USP3: variants seen among roughly 807,000 people sequenced by gnomAD.
USP3 encodes the protein ubiquitin specific peptidase 3.
Under a neutral mutation model 72.3 loss-of-function variants are expected in USP3, and 20 were observed. The observed-to-expected ratio is 0.28, with a 90% confidence interval of 0.19 to 0.40. The LOEUF (loss-of-function observed/expected upper bound fraction) is 0.40, where lower values mean the gene tolerates loss of function less well. USP3 is among the 10% of genes least tolerant of loss of function. USP3 has a pLI of 1.00. For missense variants in USP3, 479 were observed against 633.9 expected (o/e 0.76, Z 2.62); for synonymous variants, 222 against 225.3 (o/e 0.99, Z 0.13).
chr15:63,589,285 C>G (rs372584502), intron 14 of USP3, among the ~76,000 whole-genome samples: 92 of 152,236 alleles, frequency 6.0e-4, no homozygotes, highest in South Asian at 5.2e-3. Context: ...GTTGCTTATT[C>G]GTTTACCAAC....
chr15:63,583,969 T>A (rs144986597), intron 11 of USP3, among the ~76,000 whole-genome samples: 2 of 152,306 alleles, frequency 1.3e-5, no homozygotes, highest in East Asian at 3.9e-4. Flanking sequence ...CCAGTTCTTT[T>A]GGGTATATAC....
At chr15:63,565,225 C>T (rs183792856) in intron 8 of USP3, among the ~76,000 whole-genome samples, 100 of 152,174 alleles carry the variant, frequency 6.6e-4, no homozygotes, top group Middle Eastern at 3.4e-3. Flanking sequence ...CATACACACA[C>T]CCCCAAAACA....
chr15:63,511,217 C>T (rs2065775432), intron 1 of USP3, among the ~76,000 whole-genome samples: 2 of 124,220 alleles, frequency 1.6e-5, no homozygotes, highest in African/African-American at 3.0e-5. Flanking sequence ...TTAAAGATAG[C>T]CCAAAGCTTA....
intron 11 of USP3, among the ~76,000 whole-genome samples, chr15:63,582,684 G>T (rs931155054): frequency 1.3e-5 from 2 of 152,136 alleles, no homozygotes; most frequent in Non-Finnish European, 2.9e-5. Context: ...ACTCAAAAAG[G>T]CAGGGAGGAA....
At chr15:63,505,562 G>T (rs1004561299) in intron 1 of USP3, among the ~76,000 whole-genome samples, 1 of 152,250 alleles carries the variant, frequency 6.6e-6, no homozygotes. Context: ...CCGAAAATGC[G>T]TTGGGATTCC....
intron 5 of USP3, among the ~76,000 whole-genome samples, chr15:63,557,273 T>G (rs1285072527): frequency 3.3e-5 from 5 of 151,460 alleles, no homozygotes; most frequent in Non-Finnish European, 7.4e-5. Context: ...TTTTTGTTTT[T>G]TTTTTTTGAG....
At chr15:63,556,533 C>G (rs1269441106) in intron 4 of USP3, 134 bp from the exon 5 acceptor site, 1 of 559,556 alleles carries the variant, frequency 1.8e-6, no homozygotes, top group Admixed American at 3.4e-5. Flanking sequence ...CGTGTGGGCC[C>G]CAGTAGGCCT....
chr15:63,511,422 T>C (rs1314584034), intron 1 of USP3, among the ~76,000 whole-genome samples: 2 of 152,182 alleles, frequency 1.3e-5, no homozygotes, highest in Non-Finnish European at 1.5e-5. Flanking sequence ...CAAAAATTAC[T>C]TATTTTAAAA....
chr15:63,585,930 T>C (rs1393206561), intron 11 of USP3, among the ~76,000 whole-genome samples: 13 of 152,034 alleles, frequency 8.6e-5, no homozygotes, highest in Admixed American at 8.5e-4. Context: ...CACAAAATAA[T>C]TTACTGGTTT....
Position 63,570,071 on chromosome 15 carries a change from C to G in USP3, c.762-362C>G, listed in dbSNP as rs2066754982. On this transcript the variant is annotated intron_variant, in intron 8 of 14. Coordinates refer to ENST00000380324, the MANE Select transcript of USP3 (RefSeq NM_006537.4). The surrounding 1 kb of genome is among the most constrained non-coding windows in gnomAD (Gnocchi z 4.4). Reference sequence around the variant, plus strand: ...AGGTTATGTGGGCAGGGAGAAGAGTCAGAGTCCACCAGGAAACAAAGGTGT... The same window carrying G: ...AGGTTATGTGGGCAGGGAGAAGAGTGAGAGTCCACCAGGAAACAAAGGTGT... 6.6e-6 allele frequency among the ~76,000 whole-genome samples: 1 copy of G among 152,108 alleles called. No individual in the cohort carries two copies. Among genetic ancestry groups the G allele is most frequent in the African/African-American group, 2.4e-5 (1 of 41,402 alleles).
chr15:63,505,987 T>A (rs1002968430), intron 1 of USP3, among the ~76,000 whole-genome samples: 1 of 152,228 alleles, frequency 6.6e-6, no homozygotes, highest in Non-Finnish European at 1.5e-5. Context: ...GTGATTATGT[T>A]CTTGGAAACA....
At chr15:63,581,330 T>C (rs887001569) in intron 11 of USP3, among the ~76,000 whole-genome samples, 1 of 151,380 alleles carries the variant, frequency 6.6e-6, no homozygotes, top group Non-Finnish European at 1.5e-5. Flanking sequence ...TTTATATGTA[T>C]GTTTGTGTTG....
chr15:63,591,528 G>A lies in USP3; in HGVS notation c.*702G>A, dbSNP rs890866766. On this transcript the variant is annotated 3_prime_UTR_variant, in exon 15 of 15. Coordinates refer to ENST00000380324, the MANE Select transcript of USP3 (RefSeq NM_006537.4). ...TACTTGTTTGCGGGGAGGTAAGATG[G>A]GAGTAAAGACCAAATACATGTAATG... The A allele has an allele frequency of 1.3e-5, 2 of 152,076 alleles. No individual in the cohort carries two copies. Among genetic ancestry groups the A allele is most frequent in the African/African-American group, 2.4e-5 (1 of 41,362 alleles). The allele number at this position is 152,076 out of a possible 1,614,324, so 9.4% of individuals were successfully genotyped here.
Position 63,591,206 on chromosome 15 carries a change from G to A in USP3, c.*380G>A, listed in dbSNP as rs74571066. On this transcript the variant is annotated 3_prime_UTR_variant, in exon 15 of 15. Coordinates refer to ENST00000380324, the MANE Select transcript of USP3 (RefSeq NM_006537.4). Reference sequence around the variant, plus strand: ...AGATGTGTTCCTTATTGTGAAGAGCGACACAACTGCCTGCTGCCTTTCCAC... The same window carrying A: ...AGATGTGTTCCTTATTGTGAAGAGCAACACAACTGCCTGCTGCCTTTCCAC... 112 of 170,374 alleles carry A rather than the reference G, an allele frequency of 6.6e-4. No homozygotes were observed. The East Asian group carries it at 0.016, about 25-fold the overall frequency. 10.6% of individuals were successfully genotyped at this position (170,374 alleles called of 1,614,324 possible). A position where few individuals can be genotyped will look rare whatever the true frequency, so the allele number is the denominator to read the frequency against.
At chr15:63,537,696 T>C (rs1784276811) in intron 3 of USP3, among the ~76,000 whole-genome samples, 1 of 152,190 alleles carries the variant, frequency 6.6e-6, no homozygotes, top group Admixed American at 6.5e-5. Flanking sequence ...TATTTTTTCT[T>C]TTTTTTGAGA....
chr15:63,516,306 C>T (rs910481779), intron 1 of USP3, among the ~76,000 whole-genome samples: 1 of 152,190 alleles, frequency 6.6e-6, no homozygotes, highest in African/African-American at 2.4e-5. Context: ...CCTCTGCTGT[C>T]ATTTGAAATA....
rs35244583 is a variant in USP3, at chr15:63,520,554, A to ATTTTTTTTTTTTTTTTTTTTT, written c.92-12086_92-12066dup. Among the ~76,000 whole-genome samples the ATTTTTTTTTTTTTTTTTTTTT allele has an allele frequency of 3.7e-4, 39 of 105,424 alleles. 18 individuals carry two copies. The highest frequency in any genetic ancestry group is 4.5e-4 in the African/African-American group (12 of 26,548). 69.2% of individuals were successfully genotyped at this position (105,424 alleles called of 152,430 possible). ...TTTGTTTGTTTGATTTCTGTTTTAGATTTTTTTTTTTTTTTTTTTTTTTTT... is the reference window on the plus strand; with the variant it reads ...TTTGTTTGTTTGATTTCTGTTTTAGATTTTTTTTTTTTTTTTTTTTTTTTTTTTTTTTTTTTTTTTTTTTTT... On this transcript the variant is annotated intron_variant, in intron 1 of 14. Coordinates refer to ENST00000380324, the MANE Select transcript of USP3 (RefSeq NM_006537.4).
At chr15:63,571,164 A>G (rs1566912534) in intron 9 of USP3, among the ~76,000 whole-genome samples, 2 of 152,170 alleles carry the variant, frequency 1.3e-5, no homozygotes, top group East Asian at 1.9e-4. Context: ...TTGCTTGAAG[A>G]AGGGAAGATT....
intron 8 of USP3, among the ~76,000 whole-genome samples, chr15:63,565,067 T>G (rs1449749428): frequency 1.3e-5 from 2 of 152,178 alleles, no homozygotes; most frequent in Non-Finnish European, 2.9e-5. Flanking sequence ...TTTTTTTAGG[T>G]TTAAAAAGCC....
Sources: allele counts gnomAD v4.1 joint callset (sites outside exome capture counted in the v4.1 genomes callset), GRCh38; gene constraint gnomAD v4.1.1; non-coding constraint Gnocchi (gnomAD v3.1); transcripts MANE v1.5; gene names NCBI Gene and HGNC (gene_info 2026-07-23, HGNC 2026-07-21).